The following WIPF1 variants were observed in gnomAD, a reference collection of about 807,000 sequenced individuals.
The protein encoded by WIPF1 is WAS/WASL-interacting protein family member 1.
Under a neutral mutation model 35.4 loss-of-function variants are expected in WIPF1, and 13 were observed. The observed-to-expected ratio is 0.37, with a 90% CI of 0.24 to 0.58. WIPF1 has a LOEUF of 0.58. Ranked by LOEUF, WIPF1 falls within the 20% of genes least tolerant of loss-of-function variation. WIPF1 has a pLI of 0.74. For missense variants in WIPF1, 591 were observed against 667.0 expected, an observed-to-expected ratio of 0.89 and a Z score of 1.25; for synonymous variants, 267 against 266.3, an observed-to-expected ratio of 1.00 and a Z score of -0.02.
intron 1 of WIPF1, among the ~76,000 whole-genome samples, chr2:174,603,411 T>C (rs369582512): frequency 1.3e-5 from 2 of 152,198 alleles, no homozygotes; most frequent in Admixed American, 6.5e-5. Context: ...ACTGGCTGAT[T>C]TGAGGTTGGG....
In WIPF1 at chr2:174,635,384, C is replaced by A. The variant is rs529601157; in HGVS notation, c.-39+47390G>T. On this transcript the variant is annotated intron_variant, in intron 1 of 8. Coordinates refer to the WIPF1 transcript ENST00000272746. ...CATGGGGGCTCTGATGGTGGCCTGA[C>A]AAGAGCACCAGAAGAGTGCCGGCTG... Among the ~76,000 whole-genome samples, 3 of 152,250 alleles carry A rather than the reference C, an allele frequency of 2.0e-5. No homozygotes were observed. In the South Asian group the frequency reaches 6.2e-4, roughly 32 times the overall value.
chr2:174,627,986 G>C (rs911741594), intron 1 of WIPF1, among the ~76,000 whole-genome samples: 2 of 152,118 alleles, frequency 1.3e-5, no homozygotes, highest in African/African-American at 4.8e-5. Context: ...ACCCTGAAAA[G>C]ACCCCTAAGA....
At chr2:174,592,604 GATT>G (rs1209905996) in intron 1 of WIPF1, among the ~76,000 whole-genome samples, 7 of 124,346 alleles carry the variant, frequency 5.6e-5, no homozygotes, top group African/African-American at 2.1e-4. Context: ...TTTATTTATT[GATT>G]TTTTTTTTTT....
chr2:174,571,847 G>T lies in WIPF1; in HGVS notation c.958C>A (p.Pro320Thr). Residue 320 changes from proline (P) to threonine (T), a missense_variant, in exon 5 of 8, where the codon CCT becomes ACT. Around this residue, in one of 3 missense-constraint regions of WIPF1, gnomAD observed 471 missense variants for 501.1 expected, o/e 0.94. Coordinates refer to ENST00000679041, the MANE Select transcript of WIPF1 (RefSeq NM_001375834.1). This position sits in a 1 kb window ranked among gnomAD's most constrained non-coding sequence, Gnocchi z 4.6. ...TTGCCGCTGGAACTTGGAGGCAGAG[G>T]AGGCGGCCCGGGCCTGCTGGGAGGT... is the stretch of plus-strand genomic sequence containing the variant. ...PPPPSRPGPP[P>T]LPPSSSGNDE... The T allele has an allele frequency of 1.2e-6, 2 of 1,614,134 alleles. No homozygotes were observed. Among genetic ancestry groups the T allele is most frequent in the Non-Finnish European group, 1.7e-6 (2 of 1,180,010 alleles).
intron 1 of WIPF1, among the ~76,000 whole-genome samples, chr2:174,667,821 A>T (rs147672419): frequency 6.6e-6 from 1 of 152,312 alleles, no homozygotes; most frequent in Non-Finnish European, 1.5e-5. Context: ...TATGGAAAGG[A>T]AGTAGCCATT....
Position 174,567,945 on chromosome 2 carries a change from G to C in WIPF1, c.1258C>G (p.Pro420Ala), listed in dbSNP as rs1684713583. 3.1e-6 allele frequency: 5 copies of C among 1,614,160 alleles called. No homozygotes were observed. In the South Asian group the frequency reaches 5.5e-5, roughly 18 times the overall value. ...PRSGPRPPLPPDRPSAGAPPP... is the reference protein window; with the variant it reads ...PRSGPRPPLPADRPSAGAPPP... ...GGTGCCCCAGCACTGGGCCTATCAG[G>C]AGGAAGGGGAGGCCTGGGTCCACTC... The change falls in exon 6 of 8, where the codon CCT becomes GCT. Residue 420 changes from proline (P) to alanine (A), a missense_variant. Pro to Ala is a conservative substitution (Grantham distance 27). Coordinates refer to ENST00000679041, the MANE Select transcript of WIPF1 (RefSeq NM_001375834.1).
chr2:174,671,076 T>C (rs1412418276), intron 1 of WIPF1, among the ~76,000 whole-genome samples: 2 of 152,206 alleles, frequency 1.3e-5, no homozygotes, highest in African/African-American at 2.4e-5. Context: ...CATGTGTACA[T>C]GTGTGCAGAT....
intron 3 of WIPF1, among the ~76,000 whole-genome samples, chr2:174,579,987 G>A (rs1331169681): frequency 1.3e-5 from 2 of 151,218 alleles, no homozygotes; most frequent in Non-Finnish European, 2.9e-5. Flanking sequence ...GTCTTGCTCT[G>A]TTGCCCAGGC....
intron 7 of WIPF1, among the ~76,000 whole-genome samples, chr2:174,564,622 G>T (rs1275709648): frequency 1.3e-5 from 2 of 152,074 alleles, no homozygotes; most frequent in African/African-American, 2.4e-5. Flanking sequence ...TTCCATTAAA[G>T]ATCTAGAGGG....
Position 174,581,345 on chromosome 2 carries a change from G to A in WIPF1, c.146C>T (p.Thr49Met), listed in dbSNP as rs1429764304. ...TGGTGCACTTCTGTCATTGGTGACC[G>A]TCTTCTTTAGTTTCTTCCCTTTGCT... is the stretch of plus-strand genomic sequence containing the variant. ...DISKGKKLKK[T>M]VTNDRSAPIL... is the part of the protein sequence containing the mutation. Residue 49 changes from threonine (T) to methionine (M), a missense_variant, in exon 3 of 8, where the codon ACG (threonine) becomes ATG (methionine). By Grantham distance (81) the Thr-to-Met change is moderately conservative. Transcript: ENST00000679041. 4.8e-5 allele frequency: 78 copies of A among 1,613,862 alleles called. No homozygotes were observed. Among genetic ancestry groups the A allele is most frequent in the Admixed American group, 3.8e-4 (23 of 59,996 alleles).
rs1272631670 is a variant in WIPF1 at position 174,572,252 on chromosome 2, G to A, written c.553C>T (p.Pro185Ser). The A allele has an allele frequency of 1.9e-6, 3 of 1,614,194 alleles. No homozygotes were observed. Among genetic ancestry groups the A allele is most frequent in the Non-Finnish European group, 2.5e-6 (3 of 1,180,024 alleles). ...DVGSKPDSIPPPVPSTPRPIQ... is the reference protein window; with the variant it reads ...DVGSKPDSIPSPVPSTPRPIQ... ...GGTCTTGGAGTACTAGGTACTGGAG[G>A]AGGAATGCTATCAGGCTTTGAGCCC... The change falls in exon 5 of 8, where the codon CCT becomes TCT. Residue 185 changes from proline to serine, a missense_variant. Coordinates refer to ENST00000679041, the MANE Select transcript of WIPF1 (RefSeq NM_001375834.1).
chr2:174,640,426 C>T (rs1687272811), intron 1 of WIPF1, among the ~76,000 whole-genome samples: 2 of 147,684 alleles, frequency 1.4e-5, no homozygotes, highest in Admixed American at 6.7e-5. Context: ...GTGCAGCACA[C>T]CAGCATGGCA....
intron 1 of WIPF1, among the ~76,000 whole-genome samples, chr2:174,631,677 A>G (rs964668636): frequency 9.9e-5 from 15 of 152,194 alleles, no homozygotes; most frequent in African/African-American, 2.7e-4. Flanking sequence ...GGTGATAACA[A>G]TAATACCTTA....
At chr2:174,667,561 G>T (rs1687919098) in intron 1 of WIPF1, among the ~76,000 whole-genome samples, 1 of 152,168 alleles carries the variant, frequency 6.6e-6, no homozygotes, top group African/African-American at 2.4e-5. Flanking sequence ...TCATTGTTTT[G>T]CAGGTACAAA....
chr2:174,581,347 C>G lies in WIPF1; in HGVS notation c.144G>C (p.Lys48Asn). The part of the protein sequence containing the change: ...SDISKGKKLK[K>N]TVTNDRSAPI... ...GTGCACTTCTGTCATTGGTGACCGT[C>G]TTCTTTAGTTTCTTCCCTTTGCTGA... The change falls in exon 3 of 8, where the codon AAG (lysine) becomes AAC (asparagine). Residue 48 changes from lysine to asparagine, a missense_variant. Coordinates refer to ENST00000679041, the MANE Select transcript of WIPF1 (RefSeq NM_001375834.1). 1 of 1,614,048 alleles carries G rather than the reference C, an allele frequency of 6.2e-7. No homozygotes were observed. Among genetic ancestry groups the G allele is most frequent in the Non-Finnish European group, 8.5e-7 (1 of 1,179,972 alleles).
chr2:174,564,719 AGT>A (rs1268935045), intron 7 of WIPF1, among the ~76,000 whole-genome samples: 1 of 151,966 alleles, frequency 6.6e-6, no homozygotes, highest in Non-Finnish European at 1.5e-5. Context: ...AAATATTTGG[AGT>A]CTATATGAAC....
chr2:174,641,506 C>A (rs535301772), intron 1 of WIPF1, among the ~76,000 whole-genome samples: 155 of 152,282 alleles, frequency 1.0e-3, no homozygotes, highest in Admixed American at 3.3e-3. Context: ...GCTAATGAAC[C>A]GCTGTTATTT....
chr2:174,671,605 T>C (rs1387063362), intron 1 of WIPF1, among the ~76,000 whole-genome samples: 1 of 152,142 alleles, frequency 6.6e-6, no homozygotes, highest in East Asian at 1.9e-4. Flanking sequence ...ATTCTTTTTC[T>C]CAGCAAGGAA....
chr2:174,660,669 A>T (rs891546544), intron 1 of WIPF1, among the ~76,000 whole-genome samples: 7 of 152,124 alleles, frequency 4.6e-5, no homozygotes, highest in African/African-American at 1.7e-4. Context: ...CACTGATGGC[A>T]GTACAGTGGT....
Sources: gnomAD v4.1 joint callset for allele counts (sites outside exome capture counted in the v4.1 genomes callset) on GRCh38, gnomAD v4.1.1 for gene constraint, gnomAD v4.1.1 regional missense constraint, Gnocchi (gnomAD v3.1) non-coding constraint, MANE v1.5 for transcripts, NCBI Gene and HGNC (gene_info 2026-07-23, HGNC 2026-07-21) for gene names.